Variants in ADGRL2 observed in about 807,000 individuals in gnomAD.
ADGRL2 encodes the protein adhesion G protein-coupled receptor L2.
ADGRL2 carries 44 observed loss-of-function variants against 157.4 expected under a neutral mutation model. The observed-to-expected ratio is 0.28, with a 90% CI of 0.22 to 0.36. ADGRL2 has a LOEUF of 0.36. ADGRL2 is among the 10% of genes least tolerant of loss of function. The pLI is 1.00. For synonymous variants in ADGRL2, 585 were observed against 624.7 expected, an observed-to-expected ratio of 0.94 and a Z score of 0.95; for missense variants, 1,510 against 1,768.9, an observed-to-expected ratio of 0.85 and a Z score of 2.63.
Position 81,850,574 on chromosome 1 carries a change from A to G in ADGRL2, c.73+13517A>G, listed in dbSNP as rs114803967. ...TAACTGCTTCTTGAAAACAATGTCAATAAATTCATTCTTTGACCTATTCAG... is the reference window on the plus strand; with the variant it reads ...TAACTGCTTCTTGAAAACAATGTCAGTAAATTCATTCTTTGACCTATTCAG... On this transcript the variant is annotated intron_variant, in intron 2 of 23. Coordinates refer to ENST00000686636, the MANE Select transcript of ADGRL2 (RefSeq NM_001366006.2). Among the ~76,000 whole-genome samples the G allele has an allele frequency of 4.5e-3, 681 of 152,028 alleles. 5 individuals carry two copies. The highest frequency in any genetic ancestry group is 0.015 in the African/African-American group (643 of 41,550).
At chr1:81,602,833 G>A (rs2081359388) in intron 3 of ADGRL2, among the ~76,000 whole-genome samples, 1 of 150,624 alleles carries the variant, frequency 6.6e-6, no homozygotes, top group Non-Finnish European at 1.5e-5. Context: ...AGGAGACAGA[G>A]GTTGCAGTGA....
intron 2 of ADGRL2, among the ~76,000 whole-genome samples, chr1:81,462,301 G>C (rs1000600620): frequency 6.6e-6 from 1 of 152,208 alleles, no homozygotes. Context: ...GCAGCAACCT[G>C]CTCTGCTGCC....
chr1:81,767,047 T>C (rs1284125507), intron 2 of ADGRL2, among the ~76,000 whole-genome samples: 1 of 152,070 alleles, frequency 6.6e-6, no homozygotes, highest in Non-Finnish European at 1.5e-5. Context: ...ACCTCATATA[T>C]TTCATCCTGA....
chr1:81,352,938 A>G (rs1349891943), intron 1 of ADGRL2, among the ~76,000 whole-genome samples: 1 of 152,142 alleles, frequency 6.6e-6, no homozygotes, highest in Admixed American at 6.5e-5. Context: ...AAAACAAAAC[A>G]ATTTTTTTTA....
At chr1:81,906,822 A>T (rs1232542537) in intron 2 of ADGRL2, among the ~76,000 whole-genome samples, 195 bp from the exon 3 acceptor site, 1 of 152,206 alleles carries the variant, frequency 6.6e-6, no homozygotes, top group East Asian at 1.9e-4. Flanking sequence ...TGTAAAGATG[A>T]AGAGTCCAAA....
chr1:81,374,578 G>GAAAAAAAAAAAAAAAAAAACAAA (rs71242588), intron 1 of ADGRL2, among the ~76,000 whole-genome samples: 1 of 130,254 alleles, frequency 7.7e-6, no homozygotes. Context: ...TCTCAAAAAA[G>GAAAAAAAAAAAAAAAAAAACAAA]AAAAAAAAAA....
chr1:81,416,284 C>A (rs2077032567), intron 1 of ADGRL2, among the ~76,000 whole-genome samples: 1 of 149,560 alleles, frequency 6.7e-6, no homozygotes, highest in Non-Finnish European at 1.5e-5. Context: ...AATATAGAAA[C>A]TGTACTGTAT....
intron 2 of ADGRL2, among the ~76,000 whole-genome samples, chr1:81,562,529 GT>G (rs1228972167): frequency 6.6e-6 from 1 of 152,022 alleles, no homozygotes; most frequent in Non-Finnish European, 1.5e-5. Flanking sequence ...AATTTTATTT[GT>G]TTCTACTTAG....
chr1:81,689,052 G>T (rs577746156), intron 3 of ADGRL2, among the ~76,000 whole-genome samples: 1 of 152,280 alleles, frequency 6.6e-6, no homozygotes, highest in South Asian at 2.1e-4. Flanking sequence ...GTGGAGAACA[G>T]GTGTCCACCA....
intron 1 of ADGRL2, among the ~76,000 whole-genome samples, chr1:81,359,082 A>T (rs1172473030): frequency 6.6e-6 from 1 of 152,050 alleles, no homozygotes; most frequent in African/African-American, 2.4e-5. Flanking sequence ...TTTAAAAAAA[A>T]TTAAAAAAAA....
At chr1:81,902,531 G>A (rs993191346) in intron 2 of ADGRL2, among the ~76,000 whole-genome samples, 1 of 152,088 alleles carries the variant, frequency 6.6e-6, no homozygotes, top group African/African-American at 2.4e-5. Context: ...CTGGTGGGTG[G>A]AGGTTGCAGT....
At position 81,388,468 on chromosome 1, in the gene ADGRL2, C is replaced by T. The variant is rs764770617; in HGVS notation, c.-301-56568C>T. Reference sequence around the variant, plus strand: ...TCATTTTTTCTTTTTCTCTCTTGCTCTTCAATGTGCCAGATTACTATGGTC... The same window carrying T: ...TCATTTTTTCTTTTTCTCTCTTGCTTTTCAATGTGCCAGATTACTATGGTC... On this transcript the variant is annotated intron_variant, in intron 1 of 24. Coordinates refer to the ADGRL2 transcript ENST00000370721. 9.2e-5 allele frequency among the ~76,000 whole-genome samples: 14 copies of T among 152,172 alleles called. 1 individual carries two copies. The highest frequency in any genetic ancestry group is 1.8e-4 in the Non-Finnish European group (12 of 68,032).
intron 3 of ADGRL2, among the ~76,000 whole-genome samples, chr1:81,639,034 C>T (rs930579124): frequency 6.6e-6 from 1 of 152,082 alleles, no homozygotes; most frequent in Non-Finnish European, 1.5e-5. Context: ...ACCCAAGACC[C>T]AATTCTATGT....
intron 1 of ADGRL2, among the ~76,000 whole-genome samples, chr1:81,443,331 A>T (rs2077542688): frequency 6.6e-6 from 1 of 151,942 alleles, no homozygotes; most frequent in Non-Finnish European, 1.5e-5. Context: ...CTGAGGCAGG[A>T]GAATCACTTG....
intron 3 of ADGRL2, among the ~76,000 whole-genome samples, chr1:81,604,619 G>A (rs975476810): frequency 1.3e-5 from 2 of 152,152 alleles, no homozygotes; most frequent in African/African-American, 4.8e-5. Context: ...GACTTTCAGT[G>A]CTAAAATCAA....
chr1:81,401,427 C>CCCAGCTGT (rs1557661210), intron 1 of ADGRL2, among the ~76,000 whole-genome samples: 5 of 88,052 alleles, frequency 5.7e-5, no homozygotes, highest in East Asian at 5.2e-4. Context: ...TTCCCAGCTG[C>CCCAGCTGT]GGGAAGATGT....
intron 1 of ADGRL2, among the ~76,000 whole-genome samples, chr1:81,743,819 T>C (rs1056739614): frequency 6.6e-6 from 1 of 152,134 alleles, no homozygotes; most frequent in Non-Finnish European, 1.5e-5. Flanking sequence ...TCACCAGCTT[T>C]AATTGTAGGG....
chr1:81,962,106 T>C (rs565698144), intron 11 of ADGRL2, among the ~76,000 whole-genome samples: 18 of 152,300 alleles, frequency 1.2e-4, no homozygotes, highest in Admixed American at 2.6e-4. Flanking sequence ...CACCTTCAGC[T>C]TTACTAAATA....
At chr1:81,461,663 T>G (rs1012891899) in intron 2 of ADGRL2, among the ~76,000 whole-genome samples, 2 of 152,182 alleles carry the variant, frequency 1.3e-5, no homozygotes, top group Non-Finnish European at 2.9e-5. Context: ...TATACATACT[T>G]CAGAGAGATA....
Sources: gnomAD v4.1 joint callset for allele counts (sites outside exome capture counted in the v4.1 genomes callset) on GRCh38, gnomAD v4.1.1 for gene constraint, MANE v1.5 for transcripts, NCBI Gene and HGNC (gene_info 2026-07-23, HGNC 2026-07-21) for gene names.